Variants in SMAD3 observed in about 807,000 individuals in gnomAD.
SMAD3 encodes the protein SMAD family member 3.
Under a neutral mutation model 51.8 loss-of-function variants are expected in SMAD3, and 12 were observed. The ratio of observed to expected loss-of-function variants is 0.23; its 90% CI spans 0.15 to 0.38. SMAD3 has a LOEUF of 0.38. SMAD3 is among the 10% of genes least tolerant of loss of function. The pLI, the probability that SMAD3 is intolerant of heterozygous loss-of-function variation, is 1.00. For missense variants in SMAD3, 294 were observed against 565.6 expected (o/e 0.52, Z 4.87); for synonymous variants, 238 against 227.7 (o/e 1.05, Z -0.41).
Position 67,190,778 on chromosome 15 carries a change from C to T in SMAD3, c.*242C>T, listed in dbSNP as rs56036573. The T allele has an allele frequency of 5.8e-5, 33 of 570,782 alleles. No homozygotes were observed. The highest frequency in any genetic ancestry group is 1.2e-4 in the Admixed American group (4 of 33,964). The allele number at this position is 570,782 out of a possible 1,614,324, so 35.4% of individuals were successfully genotyped here. On this transcript the variant is annotated 3_prime_UTR_variant, in exon 9 of 9. Transcript: ENST00000327367. ...CCCCACTTTGAAGGGCAAGAAATGG[C>T]GTCTGCTCTGGTGGCTTAAGTGAGC...
intron 5 of SMAD3, among the ~76,000 whole-genome samples, chr15:67,171,814 C>T (rs1033137954): frequency 7.9e-5 from 12 of 152,086 alleles, no homozygotes; most frequent in African/African-American, 2.9e-4. Flanking sequence ...GGTCAGATTC[C>T]TGATATGAAA....
intron 1 of SMAD3, among the ~76,000 whole-genome samples, chr15:67,089,932 G>A (rs978788264): frequency 2.0e-5 from 3 of 152,160 alleles, no homozygotes; most frequent in Non-Finnish European, 4.4e-5. Flanking sequence ...TGGAGCATTC[G>A]GTGGTCTAAC....
At position 67,113,845 on chromosome 15, in the gene SMAD3, T is replaced by C. The variant is rs550801529; in HGVS notation, c.206+47485T>C. Among the ~76,000 whole-genome samples the C allele has an allele frequency of 8.3e-4, 127 of 152,348 alleles. 1 individual carries two copies. Among genetic ancestry groups the C allele is most frequent in the Admixed American group, 2.1e-3 (32 of 15,304 alleles). On this transcript the variant is annotated intron_variant, in intron 1 of 8. Transcript: ENST00000327367. ...AATAGCTCTTTGAGGACAGTAACTGTGTCTTATTTCCCTCACATCTCCCTG... is the reference window on the plus strand; with the variant it reads ...AATAGCTCTTTGAGGACAGTAACTGCGTCTTATTTCCCTCACATCTCCCTG...
intron 1 of SMAD3, among the ~76,000 whole-genome samples, chr15:67,087,907 T>G (rs1167084441): frequency 6.6e-6 from 1 of 152,160 alleles, no homozygotes; most frequent in Admixed American, 6.5e-5. Flanking sequence ...TTGAAATTGT[T>G]TTTGCTGTGA....
intron 6 of SMAD3, among the ~76,000 whole-genome samples, chr15:67,181,721 C>T (rs1299185951): frequency 6.6e-6 from 1 of 151,740 alleles, no homozygotes; most frequent in Non-Finnish European, 1.5e-5. Flanking sequence ...CTGGAAGCCA[C>T]AGAGGAAAAT....
chr15:67,090,578 C>T (rs1960488792), intron 1 of SMAD3, among the ~76,000 whole-genome samples: 1 of 152,122 alleles, frequency 6.6e-6, no homozygotes, highest in African/African-American at 2.4e-5. Flanking sequence ...GTGGTAAACA[C>T]TTCTCAATGC....
intron 1 of SMAD3, among the ~76,000 whole-genome samples, chr15:67,089,482 C>A (rs1487176112): frequency 2.0e-5 from 3 of 152,110 alleles, no homozygotes; most frequent in African/African-American, 7.2e-5. Context: ...TGGTCCTATC[C>A]CTATTTTGCA....
intron 1 of SMAD3, among the ~76,000 whole-genome samples, chr15:67,115,651 TCTGGTTAA>T (rs1037094604): frequency 4.0e-5 from 6 of 151,300 alleles, no homozygotes; most frequent in African/African-American, 1.5e-4. Context: ...GAAGATAATG[TCTGGTTAA>T]CCACCCTCCT....
intron 1 of SMAD3, among the ~76,000 whole-genome samples, chr15:67,103,854 T>C (rs1321910250): frequency 6.6e-6 from 1 of 152,234 alleles, no homozygotes; most frequent in Non-Finnish European, 1.5e-5. Context: ...GCCAAACTCG[T>C]TGCTGGATTG....
Position 67,187,378 on chromosome 15 carries a change from G to T in SMAD3, c.1023G>T (p.Lys341Asn), listed in dbSNP as rs1382847914. 3 of 1,614,084 alleles carry T rather than the reference G, an allele frequency of 1.9e-6. No individual in the cohort carries two copies. The African/African-American group carries it at 4.0e-5, about 22-fold the overall frequency. ...TGTTTTTGGCAGGATGCAACCTGAAGATCTTCAACAACCAGGAGTTCGCTG... is the reference window on the plus strand; with the variant it reads ...TGTTTTTGGCAGGATGCAACCTGAATATCTTCAACAACCAGGAGTTCGCTG... ...VCKIPPGCNL[K>N]IFNNQEFAAL... Residue 341 changes from lysine to asparagine, a missense_variant, in exon 8 of 9, where the codon AAG becomes AAT. This residue lies in a region of SMAD3 where 118 missense variants were observed against 278.0 expected (regional missense o/e 0.42). Coordinates refer to ENST00000327367, the MANE Select transcript of SMAD3 (RefSeq NM_005902.4).
chr15:67,113,954 T>C (rs1016780699), intron 1 of SMAD3, among the ~76,000 whole-genome samples: 2 of 152,238 alleles, frequency 1.3e-5, no homozygotes, highest in African/African-American at 4.8e-5. Flanking sequence ...TTACATTCTT[T>C]GGCAGCATTT....
chr15:67,066,955 T>C (rs1224918136), intron 1 of SMAD3, among the ~76,000 whole-genome samples: 1 of 152,146 alleles, frequency 6.6e-6, no homozygotes, highest in Non-Finnish European at 1.5e-5. Flanking sequence ...TAGACTCGGT[T>C]GTGCCAGTCT....
At chr15:67,180,828 C>T (rs948284710) in intron 5 of SMAD3, among the ~76,000 whole-genome samples, 1 of 152,050 alleles carries the variant, frequency 6.6e-6, no homozygotes, top group Non-Finnish European at 1.5e-5. Context: ...TGTGGCCTGC[C>T]CCACAGTGAG....
Position 67,066,401 on chromosome 15 carries a change from C to T in SMAD3, c.206+41C>T, listed in dbSNP as rs1285412359. On this transcript the variant is annotated intron_variant, in intron 1 of 8. Coordinates refer to ENST00000327367, the MANE Select transcript of SMAD3 (RefSeq NM_005902.4). ...GGGGGGACCCGGGGTCACGCCGGCC[C>T]AGCCCCCTGGCACTGCGGGGCCGAC... 1.9e-6 allele frequency: 3 copies of T among 1,564,538 alleles called. No individual in the cohort carries two copies. The African/African-American group carries it at 4.1e-5, about 21-fold the overall frequency.
At chr15:67,100,940 T>G (rs901107879) in intron 1 of SMAD3, among the ~76,000 whole-genome samples, 4 of 152,208 alleles carry the variant, frequency 2.6e-5, no homozygotes, top group Non-Finnish European at 5.9e-5. Context: ...GGCTCCTTTA[T>G]GTCTTTGGGT....
At chr15:67,139,642 C>A (rs1231657069) in intron 1 of SMAD3, among the ~76,000 whole-genome samples, 1 of 152,174 alleles carries the variant, frequency 6.6e-6, no homozygotes, top group East Asian at 1.9e-4. Context: ...TGTGCCTTCC[C>A]CAAGCTCCCC....
chr15:67,187,065 C>T lies in SMAD3; in HGVS notation c.1010-300C>T, dbSNP rs1036511081. On this transcript the variant is annotated intron_variant, in intron 7 of 8. Coordinates refer to ENST00000327367, the MANE Select transcript of SMAD3 (RefSeq NM_005902.4). ...CCATCTCCCTATTTTTGGAAGCCCT[C>T]TTTGCAGACTTCTCCCTGCTCTGGG... The T allele has an allele frequency of 1.2e-5, 7 of 564,834 alleles. No homozygotes were observed. The Admixed American group carries it at 1.5e-4, about 12-fold the overall frequency. 35.0% of individuals were successfully genotyped at this position (564,834 alleles called of 1,614,324 possible).
rs546694748 is a variant in SMAD3 at position 67,140,628 on chromosome 15, C to T, written c.207-24267C>T. Among the ~76,000 whole-genome samples, 26 of 152,286 alleles carry T rather than the reference C, an allele frequency of 1.7e-4. No individual in the cohort carries two copies. The South Asian group carries it at 4.6e-3, about 27-fold the overall frequency. On this transcript the variant is annotated intron_variant, in intron 1 of 8. Coordinates refer to ENST00000327367, the MANE Select transcript of SMAD3 (RefSeq NM_005902.4). ...ACAGGACAGTGAGAGTGAAAGGGAA[C>T]GCTATTAATAATGACACCAGGTCAA...
rs1483599572 is a variant in SMAD3 at position 67,191,638 on chromosome 15, CAGGTTTTGTTGA to C, written c.*1105_*1116del. The C allele has an allele frequency of 4.3e-6, 1 of 232,960 alleles. No individual in the cohort carries two copies. The highest frequency in any genetic ancestry group is 2.2e-5 in the African/African-American group (1 of 45,312). 14.4% of individuals were successfully genotyped at this position (232,960 alleles called of 1,614,324 possible). On this transcript the variant is annotated 3_prime_UTR_variant, in exon 9 of 9. Transcript: ENST00000327367. ...TCTCTCTCCTGAGGTGAAGCTTTTC[CAGGTTTTGTTGA>C]AGAGATACCTGCCAGCACTTCTGCA...
Sources: gnomAD v4.1 joint callset for allele counts (sites outside exome capture counted in the v4.1 genomes callset) on GRCh38, gnomAD v4.1.1 for gene constraint, gnomAD v4.1.1 regional missense constraint, MANE v1.5 for transcripts, NCBI Gene and HGNC (gene_info 2026-07-23, HGNC 2026-07-21) for gene names.